The following TLN2 variants were observed in gnomAD, a reference collection of about 807,000 sequenced individuals.
The protein encoded by TLN2 is talin 2.
Under a neutral mutation model 294.7 loss-of-function variants are expected in TLN2, and 118 were observed. The ratio of observed to expected loss-of-function variants is 0.40; its 90% CI spans 0.34 to 0.47. The LOEUF (loss-of-function observed/expected upper bound fraction) is 0.47, where lower values mean the gene tolerates loss of function less well. Among genes scored for constraint, TLN2 ranks in the 20% least tolerant of loss-of-function variants. The probability of loss-of-function intolerance (pLI) is 0.84; values close to 1 mark genes in which losing one functional copy is unlikely to be tolerated. For synonymous variants in TLN2, 1,431 were observed against 1,304.5 expected (o/e 1.10, Z -2.09); for missense variants, 3,083 against 3,282.2 (o/e 0.94, Z 1.48).
chr15:62,705,765 T>G (rs1019649007), intron 19 of TLN2, among the ~76,000 whole-genome samples: 2 of 152,250 alleles, frequency 1.3e-5, no homozygotes, highest in African/African-American at 4.8e-5. Flanking sequence ...GAGCAATTCC[T>G]AAAAGTTGTG....
chr15:62,551,513 T>TACACACACACACACACACAC (rs56986714), intron 1 of TLN2, among the ~76,000 whole-genome samples: 110 of 147,084 alleles, frequency 7.5e-4, no homozygotes, highest in African/African-American at 2.6e-3. Flanking sequence ...CTACTAAAAA[T>TACACACACACACACACACAC]ACACACACAC....
chr15:62,591,524 G>A (rs1265125402), intron 2 of TLN2, among the ~76,000 whole-genome samples: 1 of 152,184 alleles, frequency 6.6e-6, no homozygotes, highest in Non-Finnish European at 1.5e-5. Context: ...CCATTTGTGC[G>A]AACATCCAGT....
At chr15:62,725,993 A>C (rs1050261425) in intron 27 of TLN2, among the ~76,000 whole-genome samples, 2 of 152,142 alleles carry the variant, frequency 1.3e-5, no homozygotes, top group African/African-American at 4.8e-5. Flanking sequence ...AAAAAGAAGA[A>C]ACTCAGGCTC....
In TLN2 at chr15:62,698,777, G is replaced by A. The variant is rs760005789; in HGVS notation, c.1497G>A (p.Met499Ile). The A allele has an allele frequency of 1.9e-6, 3 of 1,611,358 alleles. No individual in the cohort carries two copies. The highest frequency in any genetic ancestry group is 2.7e-5 in the African/African-American group (2 of 74,916). The change falls in exon 16 of 59, where the codon ATG becomes ATA. Residue 499 changes from methionine (M) to isoleucine (I), a missense_variant. Coordinates refer to ENST00000636159, the MANE Select transcript of TLN2 (RefSeq NM_015059.3). The stretch of plus-strand genomic sequence containing the variant: ...AGACCTCAGCCCAGCAGGCCCTGAT[G>A]GGGACCATCAACACAAGCATGCACG... ...PPLTSAQQALMGTINTSMHAV... is the reference protein window; with the variant it reads ...PPLTSAQQALIGTINTSMHAV...
intron 22 of TLN2, among the ~76,000 whole-genome samples, chr15:62,713,487 T>G (rs998309182): frequency 6.6e-6 from 1 of 152,028 alleles, no homozygotes; most frequent in Non-Finnish European, 1.5e-5. Context: ...AAGACCAGCC[T>G]GACCGACATG....
In TLN2 at chr15:62,809,940, C is replaced by T. The variant is rs145263280; in HGVS notation, c.6679C>T (p.Pro2227Ser). 13 of 1,614,098 alleles carry T rather than the reference C, an allele frequency of 8.1e-6. No individual in the cohort carries two copies. Among genetic ancestry groups the T allele is most frequent in the Non-Finnish European group, 1.1e-5 (13 of 1,180,016 alleles). ...LTACKQASFH[P>S]DVSDEVRTRA... ...CTCTCTCCAGCAAGCATCCTTCCAC[C>T]CCGATGTCAGTGACGAGGTGAGAAC... Residue 2227 changes from proline (P) to serine (S), a missense_variant, in exon 52 of 59, where the codon CCC becomes TCC. Pro to Ser is a moderately conservative substitution (Grantham distance 74). Transcript: ENST00000636159.
rs959066587 is a variant in TLN2 at position 62,667,113 on chromosome 15, C to T, written c.789-6714C>T. Reference sequence around the variant, plus strand: ...CCCGAGTAGCTGGGACTACAGGCGCCCACCACCACGCCCGGCTAATTTTTT... The same window carrying T: ...CCCGAGTAGCTGGGACTACAGGCGCTCACCACCACGCCCGGCTAATTTTTT... On this transcript the variant is annotated intron_variant, in intron 9 of 58. Transcript: ENST00000636159. Among the ~76,000 whole-genome samples, 4 of 152,290 alleles carry T rather than the reference C, an allele frequency of 2.6e-5. 1 individual carries two copies. In the East Asian group the frequency reaches 7.7e-4, roughly 29 times the overall value.
At chr15:62,616,292 A>C (rs189793264) in intron 2 of TLN2, among the ~76,000 whole-genome samples, 26 of 152,254 alleles carry the variant, frequency 1.7e-4, no homozygotes, top group Admixed American at 1.7e-3. Context: ...ATATGCTCTT[A>C]TGTCATGTCT....
At chr15:62,464,999 CAG>C (rs1267828913) in intron 1 of TLN2, among the ~76,000 whole-genome samples, 2 of 151,662 alleles carry the variant, frequency 1.3e-5, no homozygotes, top group Non-Finnish European at 2.9e-5. Flanking sequence ...TGTGATTACT[CAG>C]AGTTTTCAGT....
intron 5 of TLN2, among the ~76,000 whole-genome samples, chr15:62,650,895 C>T (rs1378147366): frequency 1.3e-5 from 2 of 151,942 alleles, no homozygotes; most frequent in Non-Finnish European, 2.9e-5. Context: ...TAAAAATATC[C>T]CCCAAACATG....
At chr15:62,597,937 G>T (rs2140767431) in intron 2 of TLN2, among the ~76,000 whole-genome samples, 1 of 152,244 alleles carries the variant, frequency 6.6e-6, no homozygotes. Flanking sequence ...GTGGTGTCTT[G>T]GCAACACTCA....
At chr15:62,516,660 CCTT>C (rs1314361233) in intron 1 of TLN2, among the ~76,000 whole-genome samples, 3 of 152,200 alleles carry the variant, frequency 2.0e-5, no homozygotes, top group Non-Finnish European at 4.4e-5. Context: ...CTGGTGGTGT[CCTT>C]CTGCCTTTGG....
At position 62,450,089 on chromosome 15, in the gene TLN2, C is replaced by T. The variant is rs138695057; in HGVS notation, c.-238+59404C>T. ...ACTTTCCTAATGTTTTCTGCCGTCT[C>T]CTGCAGAATCTCTCCTCTGGCTTCC... On this transcript the variant is annotated intron_variant, in intron 1 of 58. Coordinates refer to ENST00000636159, the MANE Select transcript of TLN2 (RefSeq NM_015059.3). 2.6e-4 allele frequency among the ~76,000 whole-genome samples: 40 copies of T among 152,284 alleles called. 1 individual carries two copies. The East Asian group carries it at 7.1e-3, about 27-fold the overall frequency.
At chr15:62,465,709 A>G (rs560936223) in intron 1 of TLN2, among the ~76,000 whole-genome samples, 1 of 152,324 alleles carries the variant, frequency 6.6e-6, no homozygotes, top group East Asian at 1.9e-4. Context: ...AGCTGATTTT[A>G]TGGTTGCAAA....
chr15:62,751,367 GA>G, intron 34 of TLN2, among the ~76,000 whole-genome samples: 1 of 152,186 alleles, frequency 6.6e-6, no homozygotes, highest in Non-Finnish European at 1.5e-5. Context: ...GCTAAAACTA[GA>G]ATTTCCTCAT....
intron 3 of TLN2, among the ~76,000 whole-genome samples, chr15:62,639,585 T>C (rs1241740981): frequency 6.6e-6 from 1 of 152,240 alleles, no homozygotes; most frequent in Non-Finnish European, 1.5e-5. Context: ...GTCTCCCTAC[T>C]CTGGCTGCAA....
intron 52 of TLN2, among the ~76,000 whole-genome samples, chr15:62,818,187 G>A (rs1277235356): frequency 1.3e-5 from 2 of 152,178 alleles, no homozygotes. Flanking sequence ...TTTAAAACCG[G>A]TAATGGATGA....
At chr15:62,653,991 T>C (rs2052909930) in intron 7 of TLN2, among the ~76,000 whole-genome samples, 1 of 152,246 alleles carries the variant, frequency 6.6e-6, no homozygotes. Flanking sequence ...GTGATATATC[T>C]GTGTAGACAC....
At chr15:62,777,192 C>T (rs865957469) in intron 43 of TLN2, among the ~76,000 whole-genome samples, 13 of 151,526 alleles carry the variant, frequency 8.6e-5, no homozygotes, top group Non-Finnish European at 1.3e-4. Context: ...AATTGATTAT[C>T]TACTTCATAG....
Sources: gnomAD v4.1 joint callset for allele counts (sites outside exome capture counted in the v4.1 genomes callset) on GRCh38, gnomAD v4.1.1 for gene constraint, MANE v1.5 for transcripts, NCBI Gene and HGNC (gene_info 2026-07-23, HGNC 2026-07-21) for gene names.